The following SMARCC1 variants were observed in gnomAD, a reference collection of about 807,000 sequenced individuals.
The protein encoded by SMARCC1 is SWI/SNF complex subunit SMARCC1.
Under a neutral mutation model 147.4 loss-of-function variants are expected in SMARCC1, and 43 were observed. That is an observed-to-expected ratio of 0.29 (90% CI 0.23 to 0.38). The LOEUF is 0.38. Among genes scored for constraint, SMARCC1 ranks in the 10% least tolerant of loss-of-function variants. The pLI is 1.00. For synonymous variants in SMARCC1, 495 were observed against 484.4 expected (o/e 1.02, Z -0.29); for missense variants, 1,119 against 1,381.1 (o/e 0.81, Z 3.01).
At position 47,710,723 on chromosome 3, in the gene SMARCC1, G is replaced by C. The variant is rs1207272196; in HGVS notation, c.878C>G (p.Pro293Arg). The change falls in exon 9 of 28, where the codon CCT becomes CGT. Residue 293 changes from proline to arginine, a missense_variant. Pro to Arg is a moderately radical substitution (Grantham distance 103). Transcript: ENST00000254480. ...TGAAATCCGCTGACGAAAACTCACA[G>C]GCTTCCTATTTTCATCCACCTCATA... ...EDYEVDENRK[P>R]VSFRQRISTK... 6.2e-7 allele frequency: 1 copy of C among 1,613,658 alleles called. No homozygotes were observed. Among genetic ancestry groups the C allele is most frequent in the South Asian group, 1.1e-5 (1 of 91,012 alleles).
At position 47,663,834 on chromosome 3, in the gene SMARCC1, G is replaced by T. The variant is rs945145939; in HGVS notation, c.1900-1242C>A. 6 of 1,578,862 alleles carry T rather than the reference G, an allele frequency of 3.8e-6. No individual in the cohort carries two copies. In the East Asian group the frequency reaches 9.0e-5, roughly 24 times the overall value. On this transcript the variant is annotated intron_variant, in intron 19 of 27. Coordinates refer to ENST00000254480, the MANE Select transcript of SMARCC1 (RefSeq NM_003074.4). ...TCCTTCCACCGGGGCAACAGCCAGCGCTCTCAGCTCATGATGTGCACCTGG... is the reference window on the plus strand; with the variant it reads ...TCCTTCCACCGGGGCAACAGCCAGCTCTCTCAGCTCATGATGTGCACCTGG...
At chr3:47,775,784 ACT>A (rs1032480195) in intron 1 of SMARCC1, among the ~76,000 whole-genome samples, 1 of 151,670 alleles carries the variant, frequency 6.6e-6, no homozygotes, top group African/African-American at 2.4e-5. Context: ...ACAGAGCGAG[ACT>A]CACTCTCAAA....
At chr3:47,715,641 T>C (rs1280435239) in intron 7 of SMARCC1, among the ~76,000 whole-genome samples, 1 of 152,208 alleles carries the variant, frequency 6.6e-6, no homozygotes, top group Non-Finnish European at 1.5e-5. Context: ...ATCACTCTAC[T>C]GATCCAACAC....
rs777740371 is a variant in SMARCC1, at chr3:47,675,577, A to T, written c.1737T>A (p.Ala579=). 6.3e-7 allele frequency: 1 copy of T among 1,588,342 alleles called. No individual in the cohort carries two copies. Among genetic ancestry groups the T allele is most frequent in the South Asian group, 1.1e-5 (1 of 90,546 alleles). The change falls in exon 18 of 28, where the codon GCT becomes GCA. Residue 579 remains alanine, a synonymous_variant. Coordinates refer to ENST00000254480, the MANE Select transcript of SMARCC1 (RefSeq NM_003074.4). ...LHLRSPQVPA[A]QQMLNFPEKN... The stretch of plus-strand genomic sequence containing the variant: ...TCTCAGGAAAATTTAGCATCTGTTG[A>T]GCAGCAGGAACCTGAGTCAAATAAA...
rs745649262 is a variant in SMARCC1 at position 47,710,678 on chromosome 3, A to G, written c.918+5T>C. ...AATGATGAGAAACTGTGCCAAAGAAAATACCTCTTCATTCTTGGTTGAAAT... is the reference window on the plus strand; with the variant it reads ...AATGATGAGAAACTGTGCCAAAGAAGATACCTCTTCATTCTTGGTTGAAAT... On this transcript the variant is annotated splice_donor_5th_base_variant and intron_variant, in intron 9 of 27. Transcript: ENST00000254480. The G allele has an allele frequency of 3.7e-6, 6 of 1,612,822 alleles. No individual in the cohort carries two copies. In the South Asian group the frequency reaches 5.5e-5, roughly 15 times the overall value.
intron 2 of SMARCC1, among the ~76,000 whole-genome samples, chr3:47,772,413 A>G (rs895741227): frequency 1.5e-4 from 23 of 152,156 alleles, no homozygotes; most frequent in Non-Finnish European, 2.9e-5. Context: ...AATAAAACAC[A>G]CAATTGCAAG....
rs34868304 is a variant in SMARCC1 at position 47,699,173 on chromosome 3, C to CA, written c.1165+2104dup. Among the ~76,000 whole-genome samples the CA allele has an allele frequency of 7.4e-5, 11 of 149,432 alleles. No homozygotes were observed. In the South Asian group the frequency reaches 1.9e-3, roughly 26 times the overall value. Reference sequence around the variant, plus strand: ...AGAAAAGTTAAGAGCACCTGTCCTCCAAAAAAAAAGTGTTAAGAAAATGAA... The same window carrying CA: ...AGAAAAGTTAAGAGCACCTGTCCTCCAAAAAAAAAAGTGTTAAGAAAATGAA... On this transcript the variant is annotated intron_variant, in intron 11 of 27. Coordinates refer to ENST00000254480, the MANE Select transcript of SMARCC1 (RefSeq NM_003074.4).
chr3:47,772,968 G>A (rs2034932624), intron 1 of SMARCC1, 32 bp from the exon 2 acceptor site: 12 of 1,599,118 alleles, frequency 7.5e-6, no homozygotes, highest in African/African-American at 2.7e-5. Context: ...TCAAAAACTA[G>A]TACAATTTTT....
At position 47,710,826 on chromosome 3, in the gene SMARCC1, C is replaced by T. The variant is rs199718482; in HGVS notation, c.793-18G>A. 5 of 1,587,408 alleles carry T rather than the reference C, an allele frequency of 3.1e-6. No homozygotes were observed. The highest frequency in any genetic ancestry group is 3.4e-6 in the Non-Finnish European group (4 of 1,168,214). On this transcript the variant is annotated intron_variant, in intron 8 of 27. Coordinates refer to ENST00000254480, the MANE Select transcript of SMARCC1 (RefSeq NM_003074.4). ...ACATGAACCTAAAACCATATCAAAGCATCAATATCTACATAAATAACAAAA... is the reference window on the plus strand; with the variant it reads ...ACATGAACCTAAAACCATATCAAAGTATCAATATCTACATAAATAACAAAA...
intron 2 of SMARCC1, among the ~76,000 whole-genome samples, chr3:47,761,641 T>G (rs2034775093): frequency 6.6e-6 from 1 of 152,174 alleles, no homozygotes; most frequent in South Asian, 2.1e-4. Context: ...TCCATCCTTT[T>G]ATTCTTGCTT....
At chr3:47,658,170 C>G (rs1034517112) in intron 21 of SMARCC1, among the ~76,000 whole-genome samples, 4 of 152,044 alleles carry the variant, frequency 2.6e-5, no homozygotes, top group African/African-American at 9.7e-5. Context: ...TTACTATAAT[C>G]AGTAATGAAA....
intron 5 of SMARCC1, among the ~76,000 whole-genome samples, chr3:47,730,004 C>A (rs1243311481): frequency 6.6e-6 from 1 of 151,976 alleles, no homozygotes; most frequent in African/African-American, 2.4e-5. Context: ...CACGGTGAAA[C>A]CCCATCTCTA....
At chr3:47,698,042 T>G (rs1163228195) in intron 11 of SMARCC1, among the ~76,000 whole-genome samples, 1 of 71,690 alleles carries the variant, frequency 1.4e-5, no homozygotes, top group Non-Finnish European at 3.1e-5. Context: ...AAGATAAATA[T>G]CCTCCACAAA....
At chr3:47,624,820 C>A (rs186205957) in intron 24 of SMARCC1, among the ~76,000 whole-genome samples, 6 of 149,388 alleles carry the variant, frequency 4.0e-5, no homozygotes, top group African/African-American at 1.5e-4. Context: ...TTTGGGAAGG[C>A]GAGTGGATTA....
chr3:47,616,331 C>G (rs1194494063), intron 25 of SMARCC1, among the ~76,000 whole-genome samples: 3 of 152,174 alleles, frequency 2.0e-5, no homozygotes, highest in African/African-American at 7.2e-5. Flanking sequence ...CATGTCAATT[C>G]CCTGATATAC....
chr3:47,604,540 A>G (rs1298932005), intron 26 of SMARCC1: 1 of 328,238 alleles, frequency 3.0e-6, no homozygotes, highest in Non-Finnish European at 6.0e-6. Context: ...CAGAGACTAA[A>G]GCCATTCTGG....
chr3:47,663,769 T>C, intron 19 of SMARCC1: 2 of 1,556,150 alleles, frequency 1.3e-6, no homozygotes, highest in South Asian at 1.1e-5. Context: ...TACCCATAGG[T>C]TGCCTGGCCA....
intron 10 of SMARCC1, chr3:47,701,608 G>A (rs1045343802): frequency 1.9e-6 from 1 of 517,302 alleles, no homozygotes; most frequent in African/African-American, 2.0e-5. Flanking sequence ...AAGGTCAGGA[G>A]TTTGAGACCA....
chr3:47,594,257 T>C (rs2032232065), intron 26 of SMARCC1, among the ~76,000 whole-genome samples: 1 of 152,104 alleles, frequency 6.6e-6, no homozygotes. Flanking sequence ...ATGTACATAA[T>C]AGAGAATTTT....
Sources: gnomAD v4.1 joint callset for allele counts (sites outside exome capture counted in the v4.1 genomes callset) on GRCh38, gnomAD v4.1.1 for gene constraint, MANE v1.5 for transcripts, NCBI Gene and HGNC (gene_info 2026-07-23, HGNC 2026-07-21) for gene names.